Variants in DLG2 observed in about 807,000 individuals in gnomAD.
The protein encoded by DLG2 is discs large MAGUK scaffold protein 2.
A neutral mutation model predicts 132.5 loss-of-function variants in DLG2; 45 were observed. The ratio of observed to expected loss-of-function variants is 0.34; its 90% CI spans 0.27 to 0.44. The LOEUF (loss-of-function observed/expected upper bound fraction) is 0.44, where lower values mean the gene tolerates loss of function less well. DLG2 is among the 20% of genes least tolerant of loss of function. The pLI is 1.00. For synonymous variants in DLG2, 424 were observed against 419.6 expected (o/e 1.01, Z -0.13); for missense variants, 1,045 against 1,196.9 (o/e 0.87, Z 1.87).
At chr11:83,707,685 C>A (rs944329646) in intron 18 of DLG2, among the ~76,000 whole-genome samples, 2 of 152,108 alleles carry the variant, frequency 1.3e-5, no homozygotes, top group African/African-American at 4.8e-5. Flanking sequence ...ACAACAATAA[C>A]AACAGCAATA....
intron 14 of DLG2, among the ~76,000 whole-genome samples, chr11:83,952,344 C>T (rs2085688475): frequency 6.6e-6 from 1 of 151,158 alleles, no homozygotes; most frequent in Non-Finnish European, 1.5e-5. Context: ...GAGACCCTGC[C>T]TCAAAAAAAA....
intron 6 of DLG2, among the ~76,000 whole-genome samples, chr11:84,696,365 G>A (rs1005463239): frequency 1.3e-5 from 2 of 151,422 alleles, no homozygotes; most frequent in African/African-American, 4.8e-5. Flanking sequence ...TAAAATTGGG[G>A]CTTAGAGAAG....
chr11:85,314,848 G>A (rs934151016), intron 3 of DLG2, among the ~76,000 whole-genome samples: 1 of 151,966 alleles, frequency 6.6e-6, no homozygotes, highest in Non-Finnish European at 1.5e-5. Context: ...TGTCAGCCTG[G>A]TAGTGTACCT....
intron 6 of DLG2, among the ~76,000 whole-genome samples, chr11:84,697,800 C>G (rs2058772622): frequency 6.6e-6 from 1 of 151,366 alleles, no homozygotes. Context: ...TTTTTCTTTT[C>G]AAAGTATTTT....
chr11:85,428,169 A>T (rs143544544), intron 3 of DLG2, among the ~76,000 whole-genome samples: 343 of 152,246 alleles, frequency 2.3e-3, no homozygotes, highest in African/African-American at 7.4e-3. Context: ...CTCCCACACA[A>T]TAATAATGGG....
intron 16 of DLG2, among the ~76,000 whole-genome samples, chr11:83,873,307 C>T (rs1791583701): frequency 6.6e-6 from 1 of 152,094 alleles, no homozygotes; most frequent in Non-Finnish European, 1.5e-5. Context: ...TGTGGTTTGG[C>T]TGTGTGTCCC....
At chr11:84,571,619 T>C (rs2099485208) in intron 6 of DLG2, among the ~76,000 whole-genome samples, 1 of 152,108 alleles carries the variant, frequency 6.6e-6, no homozygotes, top group Non-Finnish European at 1.5e-5. Context: ...TAGTGCCTTT[T>C]CCCTATGAAC....
At chr11:83,850,338 A>G (rs1476887844) in intron 16 of DLG2, among the ~76,000 whole-genome samples, 2 of 152,088 alleles carry the variant, frequency 1.3e-5, no homozygotes, top group African/African-American at 4.8e-5. Context: ...TATTTTTAGT[A>G]GAGATGGGGT....
chr11:85,091,490 C>T (rs1354194327), intron 6 of DLG2, among the ~76,000 whole-genome samples: 2 of 152,126 alleles, frequency 1.3e-5, no homozygotes, highest in Non-Finnish European at 2.9e-5. Flanking sequence ...TTGGAATTTC[C>T]TTTCATGAAA....
In DLG2 at chr11:85,516,852, A is replaced by G. The variant is rs2153168715; in HGVS notation, c.40+81805T>C. Among the ~76,000 whole-genome samples, 3 of 152,234 alleles carry G rather than the reference A, an allele frequency of 2.0e-5. No homozygotes were observed. In the South Asian group the frequency reaches 6.2e-4, roughly 32 times the overall value. ...TGAATTCCACCAAAAGTACAAAAAA[A>G]GAAACAGTATCAGTCCTACTGAAAC... On this transcript the variant is annotated intron_variant, in intron 3 of 27. Transcript: ENST00000376104.
rs377122261 is a variant in DLG2 at position 83,737,158 on chromosome 11, G to C, written c.1825+49532C>G. On this transcript the variant is annotated intron_variant, in intron 18 of 27. Coordinates refer to ENST00000376104, the MANE Select transcript of DLG2 (RefSeq NM_001142699.3). ...TTTGGAATGGGACTTAGAACAAAAG[G>C]GTTTAGAAGACAGATGCTACTGTGA... is the stretch of plus-strand genomic sequence containing the variant. Among the ~76,000 whole-genome samples the C allele has an allele frequency of 4.6e-5, 7 of 152,232 alleles. No individual in the cohort carries two copies. In the East Asian group the frequency reaches 5.8e-4, roughly 13 times the overall value.
At chr11:84,073,919 A>G (rs1030732227) in intron 10 of DLG2, among the ~76,000 whole-genome samples, 3 of 152,204 alleles carry the variant, frequency 2.0e-5, no homozygotes, top group Admixed American at 6.5e-5. Context: ...GTACGCAGGG[A>G]AAATACATAT....
At chr11:85,418,097 A>C (rs1473417201) in intron 3 of DLG2, among the ~76,000 whole-genome samples, 1 of 152,130 alleles carries the variant, frequency 6.6e-6, no homozygotes, top group Non-Finnish European at 1.5e-5. Flanking sequence ...TTCCCCCTAA[A>C]TACTGCTTTA....
intron 21 of DLG2, among the ~76,000 whole-genome samples, chr11:83,507,662 C>T (rs1358576750): frequency 7.0e-6 from 1 of 143,782 alleles, no homozygotes; most frequent in Non-Finnish European, 1.5e-5. Flanking sequence ...AATCACCACC[C>T]CTGCATCTTT....
At chr11:83,842,709 G>A (rs1459762728) in intron 16 of DLG2, among the ~76,000 whole-genome samples, 4 of 151,196 alleles carry the variant, frequency 2.6e-5, no homozygotes, top group Admixed American at 6.6e-5. Context: ...CCAGGTACTC[G>A]GGAGGCTGAG....
intron 8 of DLG2, among the ~76,000 whole-genome samples, chr11:84,201,622 A>G (rs1167332222): frequency 6.6e-6 from 1 of 150,466 alleles, no homozygotes. Context: ...TTACTGCCTC[A>G]ATTACAGAAC....
intron 7 of DLG2, among the ~76,000 whole-genome samples, chr11:84,268,124 T>C (rs908165902): frequency 2.0e-5 from 3 of 152,200 alleles, no homozygotes; most frequent in Non-Finnish European, 4.4e-5. Context: ...TTAGTGACTT[T>C]GTTCCAGTTG....
chr11:83,746,395 C>G (rs1266454623), intron 18 of DLG2, among the ~76,000 whole-genome samples: 1 of 152,138 alleles, frequency 6.6e-6, no homozygotes, highest in Non-Finnish European at 1.5e-5. Context: ...TACTATGCAG[C>G]CATCAAAAAT....
intron 6 of DLG2, among the ~76,000 whole-genome samples, chr11:84,547,927 T>A (rs2099393521): frequency 6.6e-6 from 1 of 152,156 alleles, no homozygotes. Flanking sequence ...TAGTGCATAG[T>A]CAAGAAGCCT....
Sources: allele counts gnomAD v4.1 joint callset (sites outside exome capture counted in the v4.1 genomes callset), GRCh38; gene constraint gnomAD v4.1.1; transcripts MANE v1.5; gene names NCBI Gene and HGNC (gene_info 2026-07-23, HGNC 2026-07-21).